HSD17B12: variants seen among roughly 807,000 people sequenced by gnomAD.
HSD17B12 encodes the protein very-long-chain 3-oxoacyl-CoA reductase.
In HSD17B12, 32 loss-of-function variants were observed where a neutral mutation model predicts 39.3. That is an observed-to-expected ratio of 0.81 (90% CI 0.61 to 1.09). HSD17B12 has a LOEUF of 1.09. Ranked by LOEUF, HSD17B12 falls within the 50% of genes least tolerant of loss-of-function variation. The pLI is 0.00. For synonymous variants in HSD17B12, 150 were observed against 146.7 expected, an observed-to-expected ratio of 1.02 and a Z score of -0.16; for missense variants, 342 against 382.9, an observed-to-expected ratio of 0.89 and a Z score of 0.89.
At chr11:43,613,183 C>T in the HSD17B12 span, among the ~76,000 whole-genome samples, 2 of 152,100 alleles carry the variant, frequency 1.3e-5, no homozygotes, top group African/African-American at 4.8e-5. Context: ...GCGGGCAAAT[C>T]ACTTGAAGCC....
intron 1 of HSD17B12, among the ~76,000 whole-genome samples, chr11:43,723,355 C>T (rs1252315837): frequency 1.1e-4 from 16 of 152,134 alleles, no homozygotes; most frequent in Admixed American, 1.0e-3. Context: ...CGTTTTCACC[C>T]CTTTTCAAGA....
At chr11:43,589,386 A>G in the HSD17B12 span, among the ~76,000 whole-genome samples, 1 of 152,326 alleles carries the variant, frequency 6.6e-6, no homozygotes, top group Non-Finnish European at 1.5e-5. Flanking sequence ...TATGGTCCCT[A>G]CATTTTCTGG....
upstream of HSD17B12, among the ~76,000 whole-genome samples, chr11:43,677,802 A>G (rs1403061302): frequency 6.6e-6 from 1 of 152,218 alleles, no homozygotes; most frequent in East Asian, 1.9e-4. Flanking sequence ...ATAGTATTCC[A>G]TGGTGTATAT....
intron 1 of HSD17B12, among the ~76,000 whole-genome samples, chr11:43,682,544 C>CAAAAAAAAAAAAAAAAAAAAAAAAA (rs55938101): frequency 8.4e-6 from 1 of 118,446 alleles, no homozygotes; most frequent in African/African-American, 3.2e-5. Flanking sequence ...AGACTCATCT[C>CAAAAAAAAAAAAAAAAAAAAAAAAA]AAAAAAAAAA....
chr11:43,717,895 C>T (rs1168362209), intron 1 of HSD17B12, among the ~76,000 whole-genome samples: 1 of 151,100 alleles, frequency 6.6e-6, no homozygotes, highest in Non-Finnish European at 1.5e-5. Context: ...ACCTCCACAT[C>T]CTGGGTTTAA....
chr11:43,708,055 GC>G, intron 1 of HSD17B12, among the ~76,000 whole-genome samples: 1 of 152,184 alleles, frequency 6.6e-6, no homozygotes, highest in Non-Finnish European at 1.5e-5. Flanking sequence ...CCTCCCAAAG[GC>G]CCCACCCGCA....
At chr11:43,818,239 C>A (rs1410484251) in intron 6 of HSD17B12, among the ~76,000 whole-genome samples, 2 of 151,962 alleles carry the variant, frequency 1.3e-5, no homozygotes, top group East Asian at 3.9e-4. Context: ...AAGCATTGTA[C>A]GGGGAATATG....
the HSD17B12 span, among the ~76,000 whole-genome samples, chr11:43,561,675 CACAA>C: frequency 1.3e-5 from 2 of 150,696 alleles, no homozygotes; most frequent in South Asian, 4.3e-4. Flanking sequence ...CTTCAAGTGA[CACAA>C]ACACCCTTTT....
At chr11:43,654,945 G>A in the HSD17B12 span, among the ~76,000 whole-genome samples, 1 of 152,160 alleles carries the variant, frequency 6.6e-6, no homozygotes, top group Non-Finnish European at 1.5e-5. Context: ...TGTGAAGAAA[G>A]TCATTGGTAT....
the HSD17B12 span, among the ~76,000 whole-genome samples, chr11:43,605,284 G>A: frequency 2.6e-5 from 4 of 152,052 alleles, no homozygotes; most frequent in Admixed American, 6.6e-5. Flanking sequence ...GGAATCGGCC[G>A]GGCGCAGTGG....
intron 3 of HSD17B12, among the ~76,000 whole-genome samples, chr11:43,772,023 CAT>C (rs57324758): frequency 0.65 from 99,195 of 151,454 alleles, 32,771 homozygotes; most frequent in East Asian, 0.75. Flanking sequence ...CAAGTAATTG[CAT>C]ATATATATAT....
the HSD17B12 span, chr11:43,581,396 C>A: frequency 2.0e-6 from 1 of 512,426 alleles, no homozygotes; most frequent in Non-Finnish European, 4.0e-6. This position sits in a 1 kb window ranked among gnomAD's most constrained non-coding sequence, Gnocchi z 4.9. Flanking sequence ...GCATATTCTG[C>A]CCTTCGCGAA....
At chr11:43,661,842 A>T in the HSD17B12 span, among the ~76,000 whole-genome samples, 2 of 152,194 alleles carry the variant, frequency 1.3e-5, no homozygotes, top group Non-Finnish European at 2.9e-5. Context: ...GATATGGAAA[A>T]ATGTTTACTA....
chr11:43,787,736 C>T (rs547551923), intron 3 of HSD17B12, among the ~76,000 whole-genome samples: 159 of 118,606 alleles, frequency 1.3e-3, no homozygotes, highest in African/African-American at 4.3e-3. Flanking sequence ...GACTCCGTCT[C>T]GGAAAAAAAA....
At chr11:43,777,462 C>T (rs1382948365) in intron 3 of HSD17B12, among the ~76,000 whole-genome samples, 1 of 152,100 alleles carries the variant, frequency 6.6e-6, no homozygotes, top group African/African-American at 2.4e-5. Context: ...ATTTTGTATC[C>T]TGAGACTTTG....
At chr11:43,588,421 G>A in the HSD17B12 span, among the ~76,000 whole-genome samples, 17 of 152,154 alleles carry the variant, frequency 1.1e-4, no homozygotes, top group Non-Finnish European at 2.4e-4. Context: ...GCAAGTTGTT[G>A]CTGCTGAGGC....
the HSD17B12 span, among the ~76,000 whole-genome samples, chr11:43,572,000 G>A: frequency 6.6e-6 from 1 of 152,190 alleles, no homozygotes; most frequent in African/African-American, 2.4e-5. Context: ...GTTTCTGAAG[G>A]AGCGACGGAG....
At chr11:43,656,225 T>G in the HSD17B12 span, among the ~76,000 whole-genome samples, 2 of 152,204 alleles carry the variant, frequency 1.3e-5, no homozygotes, top group African/African-American at 2.4e-5. Context: ...GATGGTAGTT[T>G]GTATTTCTGT....
chr11:43,847,671 C>T (rs998384069), intron 9 of HSD17B12, among the ~76,000 whole-genome samples: 2 of 139,968 alleles, frequency 1.4e-5, no homozygotes, highest in Non-Finnish European at 3.0e-5. Flanking sequence ...GGTGTCACTG[C>T]ACTCCAGCCT....
Sources: gnomAD v4.1 joint callset for allele counts (sites outside exome capture counted in the v4.1 genomes callset) on GRCh38, gnomAD v4.1.1 for gene constraint, Gnocchi (gnomAD v3.1) non-coding constraint, MANE v1.5 for transcripts, NCBI Gene and HGNC (gene_info 2026-07-23, HGNC 2026-07-21) for gene names.